GPHN: variants seen among roughly 807,000 people sequenced by gnomAD.
GPHN encodes gephyrin.
In GPHN, 17 loss-of-function variants were observed where a neutral mutation model predicts 95.5. That is an observed-to-expected ratio of 0.18 (90% confidence interval 0.12 to 0.27). The LOEUF is 0.27. Ranked by LOEUF, GPHN falls within the 10% of genes least tolerant of loss-of-function variation. GPHN has a pLI of 1.00. For missense variants in GPHN, 660 were observed against 978.1 expected (o/e 0.67, Z 4.34); for synonymous variants, 320 against 322.5 (o/e 0.99, Z 0.08).
the GPHN span, among the ~76,000 whole-genome samples, chr14:67,314,381 A>C: frequency 6.6e-6 from 1 of 152,214 alleles, no homozygotes; most frequent in Non-Finnish European, 1.5e-5. Context: ...TTTTGAGTAT[A>C]AGGTCACAGA....
chr14:67,481,523 A>G, the GPHN span, among the ~76,000 whole-genome samples: 1 of 152,204 alleles, frequency 6.6e-6, no homozygotes, highest in Non-Finnish European at 1.5e-5. Flanking sequence ...GGGGTTGAAG[A>G]GAAAGGAATA....
At chr14:67,689,373 TAG>T in the GPHN span, among the ~76,000 whole-genome samples, 5 of 152,156 alleles carry the variant, frequency 3.3e-5, no homozygotes, top group Non-Finnish European at 5.9e-5. Flanking sequence ...AAATCCAGAG[TAG>T]ACAGTGCTAA....
At chr14:67,552,515 T>A in the GPHN span, among the ~76,000 whole-genome samples, 1 of 152,072 alleles carries the variant, frequency 6.6e-6, no homozygotes, top group South Asian at 2.1e-4. Flanking sequence ...CGCCTGTAAT[T>A]CCAGCCCTTT....
chr14:67,280,248 A>ACCAGTTC, the GPHN span, among the ~76,000 whole-genome samples: 1 of 152,218 alleles, frequency 6.6e-6, no homozygotes, highest in African/African-American at 2.4e-5. Context: ...AACTTAGAAT[A>ACCAGTTC]TTTAATCATT....
the GPHN span, among the ~76,000 whole-genome samples, chr14:67,342,619 C>CA: frequency 6.8e-6 from 1 of 147,028 alleles, no homozygotes; most frequent in East Asian, 2.0e-4. Context: ...AGCAAGCAGT[C>CA]AAAAAGGTTT....
At chr14:66,579,984 C>A (rs150410683) in intron 1 of GPHN, among the ~76,000 whole-genome samples, 1 of 151,706 alleles carries the variant, frequency 6.6e-6, no homozygotes, top group African/African-American at 2.4e-5. Flanking sequence ...GAAAACAAAT[C>A]GTAACACATT....
the GPHN span, among the ~76,000 whole-genome samples, chr14:67,266,900 A>G: frequency 6.6e-6 from 1 of 151,956 alleles, no homozygotes; most frequent in Non-Finnish European, 1.5e-5. Context: ...ACTTGAGCCT[A>G]GGAGTTCGAC....
At chr14:66,546,412 A>G (rs1017037957) in intron 1 of GPHN, among the ~76,000 whole-genome samples, 18 of 152,078 alleles carry the variant, frequency 1.2e-4, no homozygotes, top group African/African-American at 2.9e-4. Flanking sequence ...TGGGAGGCCA[A>G]GGCAGGCGGC....
intron 9 of GPHN, among the ~76,000 whole-genome samples, chr14:67,023,215 A>G (rs1412612271): frequency 1.3e-5 from 2 of 152,078 alleles, no homozygotes; most frequent in Non-Finnish European, 2.9e-5. Context: ...ATACTAAAAA[A>G]TTACTATAAT....
intron 6 of GPHN, among the ~76,000 whole-genome samples, chr14:66,919,599 T>C (rs939708519): frequency 3.9e-5 from 6 of 152,198 alleles, no homozygotes; most frequent in African/African-American, 1.2e-4. Context: ...AGAGTTTCAT[T>C]TGTCTGTCTC....
the GPHN span, among the ~76,000 whole-genome samples, chr14:67,671,835 A>G: frequency 6.6e-6 from 1 of 152,188 alleles, no homozygotes; most frequent in African/African-American, 2.4e-5. Context: ...CAAGCAAGAG[A>G]GGGCTGAACT....
chr14:66,687,515 T>C (rs1251146559), intron 2 of GPHN, among the ~76,000 whole-genome samples: 2 of 139,804 alleles, frequency 1.4e-5, no homozygotes, highest in Non-Finnish European at 3.1e-5. Context: ...TGAGACGGAG[T>C]TTCGCTCTTG....
Position 67,181,490 on chromosome 14 carries a change from G to A in GPHN, c.*553G>A, listed in dbSNP as rs2083316822. ...AACCATCCCCTGCAGAGCATCCAGG[G>A]AGGTTTCTCGCCCCAATAGCCTCAC... On this transcript the variant is annotated 3_prime_UTR_variant, in exon 23 of 23. Coordinates refer to ENST00000478722, the MANE Select transcript of GPHN (RefSeq NM_020806.5). The A allele has an allele frequency of 1.9e-6, 1 of 518,366 alleles. No individual in the cohort carries two copies. The highest frequency in any genetic ancestry group is 2.3e-5 in the Admixed American group (1 of 44,080). 32.1% of individuals were successfully genotyped at this position (518,366 alleles called of 1,614,324 possible).
chr14:67,657,586 A>ACGCG, the GPHN span, among the ~76,000 whole-genome samples: 2 of 142,978 alleles, frequency 1.4e-5, no homozygotes, highest in South Asian at 2.2e-4. Context: ...TGTTCAAAGC[A>ACGCG]CGCGCGCGCG....
At chr14:67,177,095 T>G (rs957975889) in intron 21 of GPHN, among the ~76,000 whole-genome samples, 4 of 152,244 alleles carry the variant, frequency 2.6e-5, no homozygotes, top group African/African-American at 9.6e-5. Context: ...TGCTCTGATC[T>G]TAGTTATTTC....
At chr14:67,232,602 A>G in the GPHN span, among the ~76,000 whole-genome samples, 2 of 152,214 alleles carry the variant, frequency 1.3e-5, no homozygotes, top group African/African-American at 4.8e-5. Context: ...CCTTCTGTGT[A>G]TATTTTAGAT....
At chr14:67,518,771 G>C in the GPHN span, among the ~76,000 whole-genome samples, 1 of 152,196 alleles carries the variant, frequency 6.6e-6, no homozygotes, top group Non-Finnish European at 1.5e-5. Context: ...AGAGAGAATT[G>C]GTTCCCAGGG....
chr14:67,227,399 C>T, the GPHN span: 4 of 148,912 alleles, frequency 2.7e-5, no homozygotes, highest in Non-Finnish European at 5.9e-5. Flanking sequence ...GAGATCGCAC[C>T]ACTGTACTGT....
the GPHN span, chr14:67,589,369 G>A: frequency 1.0e-6 from 1 of 984,436 alleles, no homozygotes; most frequent in Non-Finnish European, 1.2e-6. Flanking sequence ...GAAAACCAAA[G>A]TCCAATTTCT....
Sources: gnomAD v4.1 joint callset for allele counts (sites outside exome capture counted in the v4.1 genomes callset) on GRCh38, gnomAD v4.1.1 for gene constraint, MANE v1.5 for transcripts, NCBI Gene and HGNC (gene_info 2026-07-23, HGNC 2026-07-21) for gene names.